Variants in CCDC73 observed in about 807,000 individuals in gnomAD.
The protein encoded by CCDC73 is coiled-coil domain containing 73.
Under a neutral mutation model 116.5 loss-of-function variants are expected in CCDC73, and 95 were observed. That is an observed-to-expected ratio of 0.82 (90% CI 0.69 to 0.97). The LOEUF (loss-of-function observed/expected upper bound fraction) is 0.97, where lower values mean the gene tolerates loss of function less well. CCDC73 is among the 50% of genes least tolerant of loss of function. The probability of loss-of-function intolerance (pLI) is 0.00; values close to 1 mark genes in which losing one functional copy is unlikely to be tolerated. For missense variants in CCDC73, 1,066 were observed against 1,206.8 expected (o/e 0.88, Z 1.73); for synonymous variants, 398 against 401.3 (o/e 0.99, Z 0.10).
intron 12 of CCDC73, among the ~76,000 whole-genome samples, chr11:32,651,939 G>A (rs1182438667): frequency 6.6e-6 from 1 of 152,064 alleles, no homozygotes; most frequent in Non-Finnish European, 1.5e-5. Context: ...CCATCACTTG[G>A]CCCAGTGGCT....
chr11:32,721,351 G>A (rs896272228), intron 2 of CCDC73, among the ~76,000 whole-genome samples: 5 of 152,020 alleles, frequency 3.3e-5, no homozygotes, highest in African/African-American at 1.2e-4. Flanking sequence ...AATATCAGGA[G>A]GAAGTATACT....
the CCDC73 span, chr11:32,830,545 G>A: frequency 5.0e-6 from 8 of 1,594,304 alleles, no homozygotes; most frequent in Non-Finnish European, 6.8e-6. Context: ...TACGCTTCTG[G>A]TTCTACTCAG....
chr11:32,637,855 CCT>C (rs1855696511), intron 13 of CCDC73, among the ~76,000 whole-genome samples: 1 of 152,172 alleles, frequency 6.6e-6, no homozygotes, highest in African/African-American at 2.4e-5. Flanking sequence ...TCCTCCCCAA[CCT>C]CTCTCCTAGG....
intron 2 of CCDC73, among the ~76,000 whole-genome samples, chr11:32,757,106 C>A (rs1850350785): frequency 6.6e-6 from 1 of 151,852 alleles, no homozygotes; most frequent in Non-Finnish European, 1.5e-5. Context: ...AGATACTATT[C>A]AATGATAAAA....
rs1455490517 is a variant in CCDC73 at position 32,760,276 on chromosome 11, C to A, written c.-15-18G>T. Reference sequence around the variant, plus strand: ...TTTATTTCCTGTAATGTAAAAAGGTCTTAACTGAAAAAAAATTATCTAGGT... The same window carrying A: ...TTTATTTCCTGTAATGTAAAAAGGTATTAACTGAAAAAAAATTATCTAGGT... On this transcript the variant is annotated intron_variant, in intron 1 of 17. Coordinates refer to ENST00000335185, the MANE Select transcript of CCDC73 (RefSeq NM_001008391.4). The A allele has an allele frequency of 1.4e-6, 2 of 1,382,302 alleles. No homozygotes were observed. The highest frequency in any genetic ancestry group is 2.7e-5 in the Admixed American group (1 of 37,206). 85.6% of individuals were successfully genotyped at this position (1,382,302 alleles called of 1,614,324 possible). A position where few individuals can be genotyped will look rare whatever the true frequency, so the allele number is the denominator to read the frequency against.
chr11:32,609,019 T>G (rs1755224965), intron 17 of CCDC73, among the ~76,000 whole-genome samples: 1 of 152,140 alleles, frequency 6.6e-6, no homozygotes, highest in Non-Finnish European at 1.5e-5. Flanking sequence ...TTTTTCCTCA[T>G]AGGCTTCTGG....
At chr11:32,743,112 T>A (rs1347059088) in intron 2 of CCDC73, among the ~76,000 whole-genome samples, 1 of 152,202 alleles carries the variant, frequency 6.6e-6, no homozygotes, top group African/African-American at 2.4e-5. Context: ...TTTGTTCTTC[T>A]TGCCCAGGAT....
the CCDC73 span, among the ~76,000 whole-genome samples, chr11:32,815,407 T>A: frequency 4.0e-5 from 6 of 151,616 alleles, no homozygotes; most frequent in African/African-American, 1.5e-4. Flanking sequence ...CAGTCATAAC[T>A]CATTGTAACC....
intron 2 of CCDC73, among the ~76,000 whole-genome samples, chr11:32,722,971 C>A (rs1305046149): frequency 6.6e-6 from 1 of 152,156 alleles, no homozygotes; most frequent in Non-Finnish European, 1.5e-5. Context: ...AAACTCAGAT[C>A]ATCTGTCTCC....
intron 9 of CCDC73, 123 bp downstream of exon 9, chr11:32,675,442 T>A: frequency 1.7e-6 from 1 of 571,638 alleles, no homozygotes; most frequent in Non-Finnish European, 3.0e-6. Flanking sequence ...AATTTATGCA[T>A]CTGTATTGAA....
intron 13 of CCDC73, among the ~76,000 whole-genome samples, chr11:32,639,196 T>G (rs191932610): frequency 4.0e-4 from 60 of 149,974 alleles, no homozygotes; most frequent in Admixed American, 3.6e-3. Context: ...GAAGCCAAAT[T>G]CTAGGGTCAT....
intron 1 of CCDC73, among the ~76,000 whole-genome samples, chr11:32,792,131 C>T (rs768308623): frequency 6.6e-6 from 1 of 152,146 alleles, no homozygotes; most frequent in Admixed American, 6.5e-5. Context: ...ATAGCTCTAA[C>T]ACAATTTCCC....
At chr11:32,638,176 ATAGGTTCATGAT>A (rs1337337938) in intron 13 of CCDC73, among the ~76,000 whole-genome samples, 1 of 152,226 alleles carries the variant, frequency 6.6e-6, no homozygotes, top group African/African-American at 2.4e-5. Context: ...TCACAGACTC[ATAGGTTCATGAT>A]TAGATTATTA....
intron 17 of CCDC73, among the ~76,000 whole-genome samples, chr11:32,609,993 G>C (rs1020858979): frequency 1.4e-5 from 2 of 146,018 alleles, no homozygotes; most frequent in South Asian, 2.2e-4. Context: ...GTTTCACCAT[G>C]TCAGCCAGGA....
intron 2 of CCDC73, among the ~76,000 whole-genome samples, chr11:32,731,042 G>A (rs933646918): frequency 6.6e-6 from 1 of 152,220 alleles, no homozygotes; most frequent in Non-Finnish European, 1.5e-5. Context: ...AGCCATGACA[G>A]ATGACACCTG....
At chr11:32,697,117 G>A (rs902577647) in intron 6 of CCDC73, among the ~76,000 whole-genome samples, 1 of 151,772 alleles carries the variant, frequency 6.6e-6, no homozygotes, top group Non-Finnish European at 1.5e-5. Flanking sequence ...CTACAAGCGT[G>A]AGCCACCACA....
intron 2 of CCDC73, among the ~76,000 whole-genome samples, chr11:32,748,454 G>A (rs112314954): frequency 0.019 from 2,919 of 152,134 alleles, 95 homozygotes; most frequent in African/African-American, 0.067. Flanking sequence ...ATTTAACTTT[G>A]TCTCCTCACT....
rs141946568 is a variant in CCDC73, at chr11:32,688,445, T to C, written c.391-4871A>G. Among the ~76,000 whole-genome samples the C allele has an allele frequency of 2.0e-5, 3 of 152,324 alleles. No homozygotes were observed. The East Asian group carries it at 5.8e-4, about 29-fold the overall frequency. ...CAGACTGAAAGAGATTAAAGAGCTA[T>C]GACAACTAAATACAAACATAGGATT... On this transcript the variant is annotated intron_variant, in intron 6 of 17. Coordinates refer to ENST00000335185, the MANE Select transcript of CCDC73 (RefSeq NM_001008391.4).
the CCDC73 span, among the ~76,000 whole-genome samples, chr11:32,809,470 A>G: frequency 2.6e-4 from 40 of 152,370 alleles, no homozygotes; most frequent in African/African-American, 7.9e-4. Flanking sequence ...CTTGAGCATT[A>G]CAAGTAATTC....
Sources: gnomAD v4.1 joint callset for allele counts (sites outside exome capture counted in the v4.1 genomes callset) on GRCh38, gnomAD v4.1.1 for gene constraint, MANE v1.5 for transcripts, NCBI Gene and HGNC (gene_info 2026-07-23, HGNC 2026-07-21) for gene names.